TMOD1: variants seen among roughly 807,000 people sequenced by gnomAD.
The protein encoded by TMOD1 is tropomodulin 1.
A neutral mutation model predicts 40.6 loss-of-function variants in TMOD1; 17 were observed. That is an observed-to-expected ratio of 0.42 (90% confidence interval 0.29 to 0.63). The LOEUF (loss-of-function observed/expected upper bound fraction) is 0.63, where lower values mean the gene tolerates loss of function less well. Among genes scored for constraint, TMOD1 ranks in the 20% least tolerant of loss-of-function variants. The pLI is 0.22. For missense variants in TMOD1, 391 were observed against 447.6 expected (o/e 0.87, Z 1.14); for synonymous variants, 181 against 175.0 (o/e 1.03, Z -0.27).
chr9:97,539,207 A>G (rs74631209), intron 2 of TMOD1, among the ~76,000 whole-genome samples: 242 of 152,282 alleles, frequency 1.6e-3, no homozygotes, highest in Non-Finnish European at 1.5e-3. Flanking sequence ...GCAGATGTTT[A>G]TTGAATGAAT....
intron 4 of TMOD1, chr9:97,555,415 T>C (rs1830520882): frequency 7.3e-7 from 1 of 1,377,120 alleles, no homozygotes; most frequent in Non-Finnish European, 9.4e-7. Context: ...ATCAAATGAC[T>C]GCCGGCGCCT....
chr9:97,569,083 C>T (rs146423694), intron 8 of TMOD1, 46 bp downstream of exon 8: 113 of 1,603,140 alleles, frequency 7.0e-5, no homozygotes, highest in Middle Eastern at 3.7e-4. Flanking sequence ...ACATGCAGCT[C>T]GCTGGCCTGC....
At chr9:97,520,704 G>T (rs1360711325) in intron 1 of TMOD1, among the ~76,000 whole-genome samples, 1 of 152,210 alleles carries the variant, frequency 6.6e-6, no homozygotes, top group Admixed American at 6.5e-5. Flanking sequence ...GCACCTTGGG[G>T]TGTGTATGTG....
intron 3 of TMOD1, among the ~76,000 whole-genome samples, chr9:97,549,792 G>A (rs528193708): frequency 6.6e-6 from 1 of 152,058 alleles, no homozygotes; most frequent in Non-Finnish European, 1.5e-5. Context: ...TCACCACTAT[G>A]ACCCTGGTAT....
At chr9:97,555,552 CCG>C (rs1454481417) in intron 4 of TMOD1, 2 of 1,503,394 alleles carry the variant, frequency 1.3e-6, no homozygotes, top group African/African-American at 2.8e-5. Context: ...CAATATGCTG[CCG>C]AAGTCTGGGA....
At chr9:97,546,125 A>G in intron 2 of TMOD1, 60 bp from the exon 3 acceptor site, 1 of 1,533,284 alleles carries the variant, frequency 6.5e-7, no homozygotes, top group Non-Finnish European at 8.7e-7. Context: ...GCAGCTGACC[A>G]CTCTCTCTTT....
At chr9:97,583,703 T>C (rs2131284520) in intron 8 of TMOD1, among the ~76,000 whole-genome samples, 1 of 139,334 alleles carries the variant, frequency 7.2e-6, no homozygotes, top group Non-Finnish European at 1.5e-5. Context: ...TATTCAGAGA[T>C]TCAACTTCTT....
At chr9:97,562,509 C>T (rs1047625191) in intron 4 of TMOD1, among the ~76,000 whole-genome samples, 3 of 152,202 alleles carry the variant, frequency 2.0e-5, no homozygotes, top group Non-Finnish European at 4.4e-5. Context: ...AGCAGGACAT[C>T]AGGGAATCAG....
At chr9:97,562,471 GGTTTGGCCAC>G (rs1830655327) in intron 4 of TMOD1, among the ~76,000 whole-genome samples, 1 of 152,214 alleles carries the variant, frequency 6.6e-6, no homozygotes, top group Non-Finnish European at 1.5e-5. Context: ...GAGCCATTCT[GGTTTGGCCAC>G]GTTGAGCTGG....
chr9:97,521,661 T>A (rs1276466404), intron 1 of TMOD1, among the ~76,000 whole-genome samples: 2 of 152,202 alleles, frequency 1.3e-5, no homozygotes, highest in Admixed American at 1.3e-4. Flanking sequence ...GGTCTGAGCA[T>A]TGCATTCTTG....
rs180993883 is a variant in TMOD1, at chr9:97,513,557, C to T, written c.-48-10584C>T. The T allele has an allele frequency of 5.3e-4, 80 of 152,332 alleles. 2 individuals are homozygous for T. In the East Asian group the frequency reaches 0.01, roughly 19 times the overall value. The allele number at this position is 152,332 out of a possible 1,614,324, so 9.4% of individuals were successfully genotyped here. On this transcript the variant is annotated intron_variant, in intron 1 of 9. Transcript: ENST00000259365. This position sits in a 1 kb window ranked among gnomAD's most constrained non-coding sequence, Gnocchi z 4.1. ...GAAGAGAGGACGGGTGTGACATTAT[C>T]CCAGGATCTCTGTGTGAGTCTTATC...
Position 97,600,141 on chromosome 9 carries a change from C to CTGA in TMOD1, c.*445_*447dup. On this transcript the variant is annotated 3_prime_UTR_variant, in exon 10 of 10. Transcript: ENST00000259365. ...TTGTCTTAGCTATTAGCAAATAAAA[C>CTGA]TGATTATCATTCTTTATTAACCCTC... The CTGA allele has an allele frequency of 1.0e-6, 1 of 1,003,048 alleles. No homozygotes were observed. Among genetic ancestry groups the CTGA allele is most frequent in the African/African-American group, 1.7e-5 (1 of 58,000 alleles). 62.1% of individuals were successfully genotyped at this position (1,003,048 alleles called of 1,614,324 possible).
chr9:97,535,609 C>A (rs1830168358), intron 2 of TMOD1, among the ~76,000 whole-genome samples: 1 of 152,180 alleles, frequency 6.6e-6, no homozygotes, highest in African/African-American at 2.4e-5. Flanking sequence ...GATACCCAGT[C>A]CCCAGCACAA....
chr9:97,522,663 G>C (rs1829935713), intron 1 of TMOD1, among the ~76,000 whole-genome samples: 1 of 152,130 alleles, frequency 6.6e-6, no homozygotes, highest in Non-Finnish European at 1.5e-5. Flanking sequence ...CTGGGCTAAA[G>C]CGATCCTCCC....
At chr9:97,574,260 C>T (rs369318913) in intron 8 of TMOD1, among the ~76,000 whole-genome samples, 1 of 151,938 alleles carries the variant, frequency 6.6e-6, no homozygotes, top group Non-Finnish European at 1.5e-5. Flanking sequence ...GCGGCGCTTG[C>T]GGGCCAGCGC....
intron 4 of TMOD1, chr9:97,555,640 T>C (rs1342251644): frequency 1.3e-6 from 2 of 1,550,994 alleles, no homozygotes; most frequent in African/African-American, 2.7e-5. Context: ...GTTGGACATT[T>C]GAAAGATGGC....
chr9:97,596,477 G>C (rs908674329), intron 9 of TMOD1, among the ~76,000 whole-genome samples: 1 of 152,164 alleles, frequency 6.6e-6, no homozygotes, highest in Non-Finnish European at 1.5e-5. Context: ...AGCTCATGTA[G>C]TCCTCCCCAC....
intron 8 of TMOD1, among the ~76,000 whole-genome samples, chr9:97,571,751 G>T (rs1587950517): frequency 1.3e-5 from 2 of 152,368 alleles, no homozygotes; most frequent in South Asian, 4.1e-4. Context: ...CATGTATAAT[G>T]CTATGCCTGT....
At chr9:97,580,090 T>TG (rs1825711372) in intron 8 of TMOD1, among the ~76,000 whole-genome samples, 1 of 151,746 alleles carries the variant, frequency 6.6e-6, no homozygotes, top group Non-Finnish European at 1.5e-5. Context: ...GCTGAGGAGA[T>TG]GGGGCTGTGT....
Sources: gnomAD v4.1 joint callset for allele counts (sites outside exome capture counted in the v4.1 genomes callset) on GRCh38, gnomAD v4.1.1 for gene constraint, Gnocchi (gnomAD v3.1) non-coding constraint, MANE v1.5 for transcripts, NCBI Gene and HGNC (gene_info 2026-07-23, HGNC 2026-07-21) for gene names.